SPDYE5: variants seen among roughly 807,000 people sequenced by gnomAD.
The protein encoded by SPDYE5 is speedy/RINGO cell cycle regulator family member E5.
Under a neutral mutation model 48.5 loss-of-function variants are expected in SPDYE5, and 15 were observed. The ratio of observed to expected loss-of-function variants is 0.31; its 90% CI spans 0.21 to 0.48. SPDYE5 has a LOEUF of 0.48. Among genes scored for constraint, SPDYE5 ranks in the 20% least tolerant of loss-of-function variants. The pLI is 0.99. For synonymous variants in SPDYE5, 116 were observed against 200.7 expected, an observed-to-expected ratio of 0.58 and a Z score of 3.57; for missense variants, 331 against 549.1, an observed-to-expected ratio of 0.60 and a Z score of 3.97.
At chr7:75,502,726 T>C (rs1310174978) in intron 8 of SPDYE5, 107 bp from the exon 9 acceptor site, 7 of 1,135,794 alleles carry the variant, frequency 6.2e-6, no homozygotes, top group Non-Finnish European at 7.7e-6. Context: ...CAGATAAAAT[T>C]GCATTTCTCA....
rs1460490802 is a variant in SPDYE5 at position 75,503,854 on chromosome 7, ACTG to A, written c.*1070_*1072del. ...ATATTATTTTAAATATTTTTGAAAT[ACTG>A]CTATTTTTGAATAGATGCTGTTTCT... On this transcript the variant is annotated 3_prime_UTR_variant, in exon 9 of 9. Transcript: ENST00000625065. 1 of 151,342 alleles carries A rather than the reference ACTG, an allele frequency of 6.6e-6. No homozygotes were observed. The highest frequency in any genetic ancestry group is 2.4e-5 in the African/African-American group (1 of 41,342). The allele number at this position is 151,342 out of a possible 1,614,324, so 9.4% of individuals were successfully genotyped here.
Position 75,501,754 on chromosome 7 carries a change from A to AGGT in SPDYE5, c.1149_1149+2dup, listed in dbSNP as rs1554483603. The stretch of plus-strand genomic sequence containing the variant: ...TGGGTTTCCCCGGAGGAGTTGGAGG[A>AGGT]GGTAGGTGGGGCCTGGGGAGGTGGA... On this transcript the variant is annotated inframe_insertion and splice_region_variant, in exon 7 of 9. Coordinates refer to ENST00000625065, the MANE Select transcript of SPDYE5 (RefSeq NM_001306141.4). The AGGT allele has an allele frequency of 7.5e-7, 1 of 1,334,368 alleles. No homozygotes were observed. The highest frequency in any genetic ancestry group is 4.4e-5 in the East Asian group (1 of 22,652). The allele number at this position is 1,334,368 out of a possible 1,614,324, so 82.7% of individuals were successfully genotyped here.
At chr7:75,494,278 G>T in intron 2 of SPDYE5, 71 bp downstream of exon 2, 2 of 1,519,498 alleles carry the variant, frequency 1.3e-6, no homozygotes, top group South Asian at 2.4e-5. Flanking sequence ...AGGTGCGGTG[G>T]CTCACGCCTG....
intron 1 of SPDYE5, 105 bp from the exon 2 acceptor site, chr7:75,493,522 G>A (rs1390450320): frequency 1.1e-4 from 66 of 627,656 alleles, no homozygotes; most frequent in Non-Finnish European, 1.3e-4. Context: ...TCTCACTCTT[G>A]TACATGATAA....
rs587753542 is a variant in SPDYE5, at chr7:75,503,181, A to G, written c.*394A>G. 5.0e-5 allele frequency: 19 copies of G among 382,720 alleles called. No individual in the cohort carries two copies. The highest frequency in any genetic ancestry group is 7.1e-5 in the Non-Finnish European group (14 of 197,380). 23.7% of individuals were successfully genotyped at this position (382,720 alleles called of 1,614,324 possible). On this transcript the variant is annotated 3_prime_UTR_variant, in exon 9 of 9. Coordinates refer to ENST00000625065, the MANE Select transcript of SPDYE5 (RefSeq NM_001306141.4). ...TATGGACTTGGTTACCACAGTCCAG[A>G]AGCATTTGAAGGCACAATGCAGGGG...
At position 75,495,248 on chromosome 7, in the gene SPDYE5, G is replaced by C. The variant is rs369415627; in HGVS notation, c.253G>C (p.Glu85Gln). 5.9e-4 allele frequency: 947 copies of C among 1,592,826 alleles called. 1 individual carries two copies. Among genetic ancestry groups the C allele is most frequent in the Non-Finnish European group, 7.9e-4 (927 of 1,177,696 alleles). Residue 85 changes from glutamate to glutamine, a missense_variant, in exon 3 of 9, where the codon GAG becomes CAG. Glu to Gln is a conservative substitution (Grantham distance 29). Transcript: ENST00000625065. ...TGAATCTGCGGAGGAGCCGGAGAAG[G>C]AGCTCGCCCCTGAACCTGAGGAGAC... ...SDESAEEPEK[E>Q]LAPEPEETWV... is the part of the protein sequence containing the mutation.
intron 6 of SPDYE5, 145 bp from the exon 7 acceptor site, chr7:75,501,217 C>T: frequency 7.5e-7 from 1 of 1,339,950 alleles, no homozygotes; most frequent in Admixed American, 2.5e-5. Context: ...CAGCAGAGCC[C>T]TCCTGAGGAA....
chr7:75,501,386 G>A lies in SPDYE5; in HGVS notation c.780G>A (p.Glu260=). The A allele has an allele frequency of 2.5e-6, 4 of 1,612,240 alleles. No individual in the cohort carries two copies. Among genetic ancestry groups the A allele is most frequent in the Non-Finnish European group, 8.5e-7 (1 of 1,179,966 alleles). ...LALYLANDME[E]DDEDSKQNIF... is the part of the protein sequence containing the mutation. The stretch of plus-strand genomic sequence containing the variant: ...GCTACCTGGCCAATGACATGGAGGA[G>A]GACGACGAGGACTCCAAACAAAACA... Residue 260 remains glutamate (E), a synonymous_variant, in exon 7 of 9, where the codon GAG becomes GAA. Transcript: ENST00000625065.
intron 6 of SPDYE5, among the ~76,000 whole-genome samples, chr7:75,500,515 T>G (rs1427241745): frequency 6.6e-6 from 1 of 151,530 alleles, no homozygotes; most frequent in African/African-American, 2.4e-5. Flanking sequence ...GGCAGGGTCC[T>G]GGCAAAATAT....
chr7:75,501,397 A>C lies in SPDYE5; in HGVS notation c.791A>C (p.Asp264Ala), dbSNP rs782153659. ...LANDMEEDDE[D>A]SKQNIFHFLY... ...AATGACATGGAGGAGGACGACGAGG[A>C]CTCCAAACAAAACATCTTCCACTTC... is the stretch of plus-strand genomic sequence containing the variant. The change falls in exon 7 of 9, where the codon GAC becomes GCC. Residue 264 changes from aspartate (D) to alanine (A), a missense_variant. Asp to Ala is a moderately radical substitution (Grantham distance 126). This residue lies in a region of SPDYE5 where 70 missense variants were observed against 87.6 expected (regional missense o/e 0.80). Transcript: ENST00000625065. 1.2e-6 allele frequency: 2 copies of C among 1,612,130 alleles called. No homozygotes were observed. The highest frequency in any genetic ancestry group is 2.2e-5 in the East Asian group (1 of 44,828).
Position 75,504,020 on chromosome 7 carries a change from G to T in SPDYE5, c.*1233G>T, listed in dbSNP as rs1490813094. The T allele has an allele frequency of 6.6e-6, 1 of 151,842 alleles. No homozygotes were observed. The highest frequency in any genetic ancestry group is 1.9e-4 in the East Asian group (1 of 5,186). 9.4% of individuals were successfully genotyped at this position (151,842 alleles called of 1,614,324 possible). On this transcript the variant is annotated 3_prime_UTR_variant, in exon 9 of 9. Coordinates refer to ENST00000625065, the MANE Select transcript of SPDYE5 (RefSeq NM_001306141.4). ...ATCTATTATTACACGTGTTGCTGAA[G>T]GGAGCATGGTTTTTATCTGTGATAC... is the stretch of plus-strand genomic sequence containing the variant.
In SPDYE5 at chr7:75,494,221, T is replaced by A. The variant is rs1180040529; in HGVS notation, c.160+14T>A. 9.1e-6 allele frequency: 14 copies of A among 1,533,966 alleles called. No homozygotes were observed. In the Admixed American group the frequency reaches 2.8e-4, roughly 30 times the overall value. Reference sequence around the variant, plus strand: ...TGGGACCATCAGGTGAGGGGACTGGTGGAAGAAGAGGTGGGATAGGATTGA... The same window carrying A: ...TGGGACCATCAGGTGAGGGGACTGGAGGAAGAAGAGGTGGGATAGGATTGA... On this transcript the variant is annotated intron_variant, in intron 2 of 8. Transcript: ENST00000625065.
chr7:75,497,007 T>A, intron 4 of SPDYE5, 103 bp downstream of exon 4: 2 of 853,408 alleles, frequency 2.3e-6, no homozygotes, highest in South Asian at 1.7e-5. Context: ...CCCCAGTGGG[T>A]GAGCTCTCCA....
intron 1 of SPDYE5, among the ~76,000 whole-genome samples, chr7:75,492,733 C>T (rs1489895334): frequency 1.3e-5 from 2 of 149,938 alleles, no homozygotes; most frequent in South Asian, 2.1e-4. Context: ...GCCACTGAGC[C>T]CAGCCGGGAA....
intron 4 of SPDYE5, 21 bp from the exon 5 acceptor site, chr7:75,497,917 A>G: frequency 6.3e-7 from 1 of 1,589,286 alleles, no homozygotes; most frequent in East Asian, 2.2e-5. Context: ...TCTCACACTG[A>G]CATCTGCTCT....
chr7:75,495,012 CA>C (rs1431856557), intron 2 of SPDYE5, 143 bp from the exon 3 acceptor site: 1 of 1,462,496 alleles, frequency 6.8e-7, no homozygotes, highest in African/African-American at 1.4e-5. Flanking sequence ...TGGGGTTGAG[CA>C]GAGGAGAAAA....
intron 5 of SPDYE5, among the ~76,000 whole-genome samples, chr7:75,498,332 C>A (rs1363332194): frequency 2.6e-5 from 4 of 151,868 alleles, no homozygotes; most frequent in Admixed American, 2.6e-4. Context: ...CCATGTTGGC[C>A]AGGTTGGTCC....
intron 1 of SPDYE5, among the ~76,000 whole-genome samples, chr7:75,492,991 G>A (rs587631501): frequency 1.3e-5 from 2 of 151,832 alleles, no homozygotes; most frequent in African/African-American, 4.8e-5. Flanking sequence ...TTTTAGAGAT[G>A]GGCTCTTACT....
chr7:75,502,323 C>T (rs1318470140), intron 8 of SPDYE5, among the ~76,000 whole-genome samples: 4 of 150,256 alleles, frequency 2.7e-5, no homozygotes, highest in African/African-American at 4.9e-5. Flanking sequence ...CTTGAGTTAC[C>T]GATTTGGGTC....
Sources: allele counts gnomAD v4.1 joint callset (sites outside exome capture counted in the v4.1 genomes callset), GRCh38; gene constraint gnomAD v4.1.1; regional missense constraint gnomAD v4.1.1; transcripts MANE v1.5; gene names NCBI Gene and HGNC (gene_info 2026-07-23, HGNC 2026-07-21).